The following ZNF675 variants were observed in gnomAD, a reference collection of about 807,000 sequenced individuals.
ZNF675 encodes TRAF6 inhibitory zinc finger.
In ZNF675, 36 loss-of-function variants were observed where a neutral mutation model predicts 56.1. The ratio of observed to expected loss-of-function variants is 0.64; its 90% confidence interval spans 0.49 to 0.85. ZNF675 has a LOEUF of 0.85. ZNF675 is among the 40% of genes least tolerant of loss of function. The pLI is 0.00. For synonymous variants in ZNF675, 200 were observed against 218.9 expected (o/e 0.91, Z 0.76); for missense variants, 663 against 654.2 (o/e 1.01, Z -0.15).
At position 23,659,350 on chromosome 19, in the gene ZNF675, G is replaced by A. The variant is rs115232946; in HGVS notation, c.226+2764C>T. Among the ~76,000 whole-genome samples the A allele has an allele frequency of 6.6e-3, 1,000 of 152,148 alleles. 13 individuals are homozygous for A. The highest frequency in any genetic ancestry group is 0.022 in the African/African-American group (929 of 41,510). ...AATTGGTAAGATGGGAGAATAAAAG[G>A]TGCCCTATTTTGTTATCTCCTGCAC... On this transcript the variant is annotated intron_variant, in intron 3 of 3. Transcript: ENST00000359788.
chr19:23,683,081 C>T lies in ZNF675; in HGVS notation c.3+3950G>A, dbSNP rs187891605. 2.6e-5 allele frequency among the ~76,000 whole-genome samples: 4 copies of T among 150,958 alleles called. 1 individual carries two copies. Among genetic ancestry groups the T allele is most frequent in the African/African-American group, 9.8e-5 (4 of 40,676 alleles). On this transcript the variant is annotated intron_variant, in intron 1 of 3. Transcript: ENST00000359788. ...GTGCGCATCTGTAATCCCAGCTACT[C>T]GGGTGGCTGAGGCAGAAGAATCACT... is the stretch of plus-strand genomic sequence containing the variant.
At chr19:23,658,894 T>A (rs1349831985) in intron 3 of ZNF675, among the ~76,000 whole-genome samples, 717 of 10,656 alleles carry the variant, frequency 0.067, 28 homozygotes, top group Non-Finnish European at 0.27. Flanking sequence ...GATATAGATC[T>A]ATAGATATCT....
intron 1 of ZNF675, among the ~76,000 whole-genome samples, chr19:23,674,317 A>G (rs1213903535): frequency 6.6e-6 from 1 of 151,890 alleles, no homozygotes; most frequent in Non-Finnish European, 1.5e-5. Context: ...AAGCAGAGAA[A>G]AATATCTACA....
chr19:23,657,585 C>A (rs188384001), intron 3 of ZNF675, among the ~76,000 whole-genome samples: 1 of 152,062 alleles, frequency 6.6e-6, no homozygotes, highest in East Asian at 1.9e-4. Flanking sequence ...GGCGTGGTGG[C>A]GCATGCCTGT....
At chr19:23,664,624 T>C (rs1479932689) in intron 1 of ZNF675, among the ~76,000 whole-genome samples, 2 of 152,202 alleles carry the variant, frequency 1.3e-5, no homozygotes, top group African/African-American at 4.8e-5. Flanking sequence ...TACTTGATTT[T>C]GGCCTCATGT....
Position 23,653,324 on chromosome 19 carries a change from T to G in ZNF675, c.1609A>C (p.Lys537Gln). 1 of 1,613,826 alleles carries G rather than the reference T, an allele frequency of 6.2e-7. No homozygotes were observed. The highest frequency in any genetic ancestry group is 8.5e-7 in the Non-Finnish European group (1 of 1,179,944). ...AAAGCTTTGTCACATCTCTCACATT[T>G]ATAGGGTTTCTCTCCAGTATGAATT... ...KIIHTGEKPY[K>Q]CERCDKAFNQ... is the part of the protein sequence containing the mutation. Residue 537 changes from lysine (K) to glutamine (Q), a missense_variant, in exon 4 of 4, where the codon AAA becomes CAA. Around this residue, in one of 3 missense-constraint regions of ZNF675, gnomAD observed 617 missense variants for 590.5 expected, o/e 1.04. Transcript: ENST00000359788.
intron 2 of ZNF675, among the ~76,000 whole-genome samples, chr19:23,662,628 T>C (rs1368435177): frequency 1.3e-5 from 2 of 152,212 alleles, no homozygotes; most frequent in African/African-American, 4.8e-5. Context: ...ATGCAAAGCA[T>C]ACATTACCAA....
chr19:23,665,048 T>G (rs1282978084), intron 1 of ZNF675, among the ~76,000 whole-genome samples: 6 of 151,860 alleles, frequency 4.0e-5, no homozygotes, highest in African/African-American at 1.2e-4. Context: ...CCATGTAATC[T>G]TAATTAGAAA....
rs55633960 is a variant in ZNF675, at chr19:23,672,233, TAAAAA to T, written c.4-9080_4-9076del. 2.4e-4 allele frequency among the ~76,000 whole-genome samples: 34 copies of T among 141,194 alleles called. 2 individuals are homozygous for T. Among genetic ancestry groups the T allele is most frequent in the Admixed American group, 2.1e-4 (3 of 14,274 alleles). 92.6% of individuals were successfully genotyped at this position (141,194 alleles called of 152,430 possible). A position where few individuals can be genotyped will look rare whatever the true frequency, so the allele number is the denominator to read the frequency against. On this transcript the variant is annotated intron_variant, in intron 1 of 3. Transcript: ENST00000359788. ...ACTCCAGTTAGTTAGCTCTTGGGTT[TAAAAA>T]AAAAAAAAAAAAAGGACAAGAATAC...
chr19:23,681,799 C>T (rs1349567307), intron 1 of ZNF675, among the ~76,000 whole-genome samples: 3 of 151,682 alleles, frequency 2.0e-5, no homozygotes, highest in Non-Finnish European at 4.4e-5. Flanking sequence ...ATTCACAGAA[C>T]TCAGTGAAAC....
At chr19:23,661,655 A>G (rs529360807) in intron 3 of ZNF675, among the ~76,000 whole-genome samples, 2 of 152,234 alleles carry the variant, frequency 1.3e-5, no homozygotes, top group South Asian at 4.1e-4. Flanking sequence ...GTAGCACTGC[A>G]CCCCAGCCTG....
At chr19:23,677,433 C>A (rs989859450) in intron 1 of ZNF675, among the ~76,000 whole-genome samples, 1 of 151,680 alleles carries the variant, frequency 6.6e-6, no homozygotes, top group Non-Finnish European at 1.5e-5. Context: ...TAGCTGGGCA[C>A]GGTGGCTCAC....
At chr19:23,657,066 C>G (rs1297003774) in intron 3 of ZNF675, 2 of 152,128 alleles carry the variant, frequency 1.3e-5, no homozygotes, top group East Asian at 1.9e-4. Context: ...TCCCAAAAAG[C>G]TGGGACCACA....
intron 3 of ZNF675, chr19:23,656,102 T>C (rs997989090): frequency 4.0e-5 from 6 of 151,694 alleles, no homozygotes; most frequent in African/African-American, 1.5e-4. Context: ...CAACAACAAA[T>C]AAATTTAGGA....
intron 3 of ZNF675, among the ~76,000 whole-genome samples, chr19:23,661,480 C>A (rs949260876): frequency 6.6e-6 from 1 of 151,688 alleles, no homozygotes; most frequent in African/African-American, 2.4e-5. Context: ...GACCTGAGGG[C>A]AGGAGTTTGA....
chr19:23,668,998 GCTC>G (rs1463133147), intron 1 of ZNF675, among the ~76,000 whole-genome samples: 3 of 152,356 alleles, frequency 2.0e-5, no homozygotes, highest in Admixed American at 6.5e-5. Context: ...GGGCTGAAGG[GCTC>G]CTCAAGTGCC....
Position 23,653,819 on chromosome 19 carries a change from C to G in ZNF675, c.1114G>C (p.Glu372Gln). The part of the protein sequence containing the change: ...HTGEQPYKCE[E>Q]CGKAFNRSSN... ...GATCGGTTAAAAGCTTTGCCGCATT[C>G]CTCACATTTGTAGGGTTGCTCTCCA... Residue 372 changes from glutamate (E) to glutamine (Q), a missense_variant, in exon 4 of 4, where the codon GAA becomes CAA. Glu to Gln is a conservative substitution (Grantham distance 29, BLOSUM62 2). Coordinates refer to ENST00000359788, the MANE Select transcript of ZNF675 (RefSeq NM_138330.3). 1 of 1,613,680 alleles carries G rather than the reference C, an allele frequency of 6.2e-7. No homozygotes were observed. Among genetic ancestry groups the G allele is most frequent in the Non-Finnish European group, 8.5e-7 (1 of 1,179,840 alleles).
chr19:23,660,311 A>G (rs944797108), intron 3 of ZNF675, among the ~76,000 whole-genome samples: 4 of 152,222 alleles, frequency 2.6e-5, no homozygotes, highest in African/African-American at 9.6e-5. Context: ...CTGTACACAG[A>G]TGCCAATGCA....
At chr19:23,670,446 C>CA (rs2144939882) in intron 1 of ZNF675, among the ~76,000 whole-genome samples, 1 of 150,650 alleles carries the variant, frequency 6.6e-6, no homozygotes, top group Admixed American at 6.7e-5. Context: ...ACCTACCCCC[C>CA]AAAGGAAAGT....
Sources: allele counts gnomAD v4.1 joint callset (sites outside exome capture counted in the v4.1 genomes callset), GRCh38; gene constraint gnomAD v4.1.1; regional missense constraint gnomAD v4.1.1; transcripts MANE v1.5; gene names NCBI Gene and HGNC (gene_info 2026-07-23, HGNC 2026-07-21).